TCHP: variants seen among roughly 807,000 people sequenced by gnomAD.
TCHP encodes trichoplein keratin filament-binding protein.
In TCHP, 81 loss-of-function variants were observed where a neutral mutation model predicts 88.7. The ratio of observed to expected loss-of-function variants is 0.91; its 90% CI spans 0.76 to 1.10. The LOEUF is 1.10. TCHP is among the 50% of genes least tolerant of loss of function. The pLI, the probability that TCHP is intolerant of heterozygous loss-of-function variation, is 0.00. For missense variants in TCHP, 641 were observed against 632.1 expected (o/e 1.01, Z -0.15); for synonymous variants, 232 against 232.5 (o/e 1.00, Z 0.02).
the TCHP span, among the ~76,000 whole-genome samples, chr12:109,883,251 C>G: frequency 3.8e-4 from 57 of 148,998 alleles, no homozygotes; most frequent in African/African-American, 1.4e-3. Context: ...TCCCAGCCTG[C>G]TTTTAAACCC....
At chr12:109,892,111 C>T in the TCHP span, among the ~76,000 whole-genome samples, 1 of 152,064 alleles carries the variant, frequency 6.6e-6, no homozygotes, top group African/African-American at 2.4e-5. Flanking sequence ...TGCTTGAACC[C>T]AGGAGGTGGA....
At chr12:109,898,094 G>A (rs1869609890), upstream of TCHP, among the ~76,000 whole-genome samples, 2 of 152,186 alleles carry the variant, frequency 1.3e-5, no homozygotes, top group Admixed American at 1.3e-4. Context: ...GCCAACTAAA[G>A]GGGGATGTGA....
At chr12:109,889,428 A>G in the TCHP span, among the ~76,000 whole-genome samples, 1 of 149,776 alleles carries the variant, frequency 6.7e-6, no homozygotes, top group African/African-American at 2.5e-5. Context: ...AGCCTGCTGC[A>G]CTGCACTCCA....
chr12:109,889,115 G>A, the TCHP span, among the ~76,000 whole-genome samples: 1 of 151,960 alleles, frequency 6.6e-6, no homozygotes, highest in South Asian at 2.1e-4. Flanking sequence ...GATTGCTTGA[G>A]CTCAGGAGTT....
rs1174672907 is a variant in TCHP, at chr12:109,907,619, G to C, written c.619G>C (p.Glu207Gln). The change falls in exon 6 of 13, where the codon GAG (glutamate) becomes CAG (glutamine). Residue 207 changes from glutamate (E) to glutamine (Q), a missense_variant. Physicochemically the swap from Glu to Gln is conservative, Grantham distance 29. Transcript: ENST00000405876. ...GCTAGAAAGGATGAAAGCTGAAGAG[G>C]AGAGGAGGCAGCTGGAGGACAAGCT... ...EALERMKAEE[E>Q]RRQLEDKLQA... 6.2e-7 allele frequency: 1 copy of C among 1,614,098 alleles called. No individual in the cohort carries two copies. Among genetic ancestry groups the C allele is most frequent in the African/African-American group, 1.3e-5 (1 of 74,936 alleles).
At position 109,903,232 on chromosome 12, in the gene TCHP, G is replaced by A. The variant is rs1222278429; in HGVS notation, c.188+18G>A. 6.3e-7 allele frequency: 1 copy of A among 1,597,812 alleles called. No individual in the cohort carries two copies. The highest frequency in any genetic ancestry group is 1.7e-5 in the Admixed American group (1 of 59,692). ...CAGCGGAGGTAATTGTGCGGTAACT[G>A]CCGATTGGATGGAAGTGGGGACCAC... On this transcript the variant is annotated intron_variant, in intron 2 of 12. Coordinates refer to ENST00000405876, the MANE Select transcript of TCHP (RefSeq NM_001143852.2). The surrounding 1 kb of genome is among the most constrained non-coding windows in gnomAD (Gnocchi z 4.6).
At chr12:109,891,827 A>G in the TCHP span, among the ~76,000 whole-genome samples, 3 of 151,874 alleles carry the variant, frequency 2.0e-5, no homozygotes, top group African/African-American at 7.3e-5. Flanking sequence ...CTCCTGCCTC[A>G]GCCTCCTGAG....
upstream of TCHP, among the ~76,000 whole-genome samples, chr12:109,897,668 C>T (rs1430516056): frequency 6.6e-6 from 1 of 151,638 alleles, no homozygotes; most frequent in Non-Finnish European, 1.5e-5. Flanking sequence ...TCAAGTGATT[C>T]TCATGCCTCA....
chr12:109,886,665 A>G, the TCHP span, among the ~76,000 whole-genome samples: 1 of 151,926 alleles, frequency 6.6e-6, no homozygotes, highest in African/African-American at 2.4e-5. Flanking sequence ...TTCGAAACCA[A>G]GATCTAGATG....
intron 10 of TCHP, among the ~76,000 whole-genome samples, chr12:109,914,053 C>T (rs1386093548): frequency 6.6e-6 from 1 of 152,184 alleles, no homozygotes; most frequent in Non-Finnish European, 1.5e-5. Context: ...CACCTCTGGT[C>T]ATCTGTGTGG....
rs186211529 is a variant in TCHP, at chr12:109,904,788, C to A, written c.451C>A (p.Arg151=). The part of the protein sequence containing the change: ...EHWKKNNPKL[R]EMELDLHQKH... ...CTGGAAAAAGAACAACCCGAAACTT[C>A]GAGAGGTGAAAATCAGAGATCTCCA... Residue 151 remains arginine, a synonymous_variant, in exon 4 of 13, where the codon CGA becomes AGA. Transcript: ENST00000405876. 1.2e-6 allele frequency: 2 copies of A among 1,612,998 alleles called. No homozygotes were observed. Among genetic ancestry groups the A allele is most frequent in the Middle Eastern group, 1.7e-4 (1 of 6,056 alleles).
At chr12:109,908,788 A>G (rs1870307946) in intron 7 of TCHP, 83 bp from the exon 8 acceptor site, 1 of 1,567,916 alleles carries the variant, frequency 6.4e-7, no homozygotes, top group Non-Finnish European at 8.8e-7. Context: ...ACCATAAAGG[A>G]GACAGCCTGG....
the TCHP span, among the ~76,000 whole-genome samples, chr12:109,886,620 A>G: frequency 5.4e-3 from 828 of 151,974 alleles, 4 homozygotes; most frequent in African/African-American, 0.019. Context: ...CCATTTCTCC[A>G]AAAAGCCCTG....
At chr12:109,892,292 A>G in the TCHP span, among the ~76,000 whole-genome samples, 1 of 152,216 alleles carries the variant, frequency 6.6e-6, no homozygotes, top group Non-Finnish European at 1.5e-5. Flanking sequence ...GGGCTTCTCC[A>G]AGGAAGGGAC....
chr12:109,913,050 C>A lies in TCHP; in HGVS notation c.1112C>A (p.Ala371Glu), dbSNP rs1309125306. 1 of 1,613,748 alleles carries A rather than the reference C, an allele frequency of 6.2e-7. No homozygotes were observed. Among genetic ancestry groups the A allele is most frequent in the Non-Finnish European group, 8.5e-7 (1 of 1,180,006 alleles). Residue 371 changes from alanine to glutamate, a missense_variant, in exon 10 of 13, where the codon GCA becomes GAA. Ala to Glu is a moderately radical substitution (Grantham distance 107). Coordinates refer to ENST00000405876, the MANE Select transcript of TCHP (RefSeq NM_001143852.2). ...REAEWARERS[A>E]RDRLMSEVLT... is the part of the protein sequence containing the mutation. ...GCAGAGTGGGCCCGAGAGCGCAGCG[C>A]ACGGGACAGACTGATGAGCGAGGTA...
At position 109,905,017 on chromosome 12, in the gene TCHP, G is replaced by A; in HGVS notation, c.456+224G>A. The A allele has an allele frequency of 1.8e-6, 1 of 551,066 alleles. No homozygotes were observed. The highest frequency in any genetic ancestry group is 3.2e-6 in the Non-Finnish European group (1 of 310,362). The allele number at this position is 551,066 out of a possible 1,614,324, so 34.1% of individuals were successfully genotyped here. A position where few individuals can be genotyped will look rare whatever the true frequency, so the allele number is the denominator to read the frequency against. Reference sequence around the variant, plus strand: ...ACCTCCGCTGCCTGGTCTGCCAGGTGCGGGCATGGAGATTAGACATGGTTT... The same window carrying A: ...ACCTCCGCTGCCTGGTCTGCCAGGTACGGGCATGGAGATTAGACATGGTTT... On this transcript the variant is annotated intron_variant, in intron 4 of 12. Transcript: ENST00000405876. This position sits in a 1 kb window ranked among gnomAD's most constrained non-coding sequence, Gnocchi z 4.0.
chr12:109,913,101 G>A, intron 10 of TCHP, 29 bp downstream of exon 10: 1 of 1,610,512 alleles, frequency 6.2e-7, no homozygotes. Context: ...ATGTGGACCG[G>A]CTGTTGGGTC....
upstream of TCHP, among the ~76,000 whole-genome samples, chr12:109,898,270 C>A (rs977107308): frequency 2.0e-5 from 3 of 152,202 alleles, no homozygotes; most frequent in Non-Finnish European, 4.4e-5. Context: ...AGTGCAGTGG[C>A]ATGATCTTGG....
At chr12:109,899,415 G>A (rs1592902829), upstream of TCHP, among the ~76,000 whole-genome samples, 2 of 152,076 alleles carry the variant, frequency 1.3e-5, no homozygotes, top group Admixed American at 6.6e-5. Context: ...TGAGGCAGGC[G>A]CATCACGAGG....
Sources: allele counts gnomAD v4.1 joint callset (sites outside exome capture counted in the v4.1 genomes callset), GRCh38; gene constraint gnomAD v4.1.1; non-coding constraint Gnocchi (gnomAD v3.1); transcripts MANE v1.5; gene names NCBI Gene and HGNC (gene_info 2026-07-23, HGNC 2026-07-21).